MAF: variants seen among roughly 807,000 people sequenced by gnomAD.
MAF encodes the protein transcription factor Maf.
Under a neutral mutation model 22.0 loss-of-function variants are expected in MAF, and 10 were observed. The ratio of observed to expected loss-of-function variants is 0.45; its 90% CI spans 0.28 to 0.77. The LOEUF (loss-of-function observed/expected upper bound fraction) is 0.77. MAF is among the 30% of genes least tolerant of loss of function. The probability of loss-of-function intolerance (pLI) is 0.12; values close to 1 mark genes in which losing one functional copy is unlikely to be tolerated. For missense variants in MAF, 544 were observed against 548.4 expected (o/e 0.99, Z 0.08); for synonymous variants, 337 against 255.8 (o/e 1.32, Z -3.03).
the MAF span, among the ~76,000 whole-genome samples, chr16:79,462,182 C>T: frequency 9.8e-5 from 15 of 152,334 alleles, 1 homozygote; most frequent in East Asian, 1.5e-3. Context: ...AATGGCTAAC[C>T]GTTGCTGATT....
chr16:79,352,281 GA>G, the MAF span, among the ~76,000 whole-genome samples: 1 of 152,164 alleles, frequency 6.6e-6, no homozygotes, highest in Non-Finnish European at 1.5e-5. Flanking sequence ...GTCAATGCAA[GA>G]CTCCTTAGAA....
At chr16:79,317,526 TCTTC>T in the MAF span, among the ~76,000 whole-genome samples, 1 of 140,984 alleles carries the variant, frequency 7.1e-6, no homozygotes, top group Non-Finnish European at 1.5e-5. Flanking sequence ...TCCCTCCCTC[TCTTC>T]CTTCCTTCCT....
chr16:79,576,851 G>A, the MAF span, among the ~76,000 whole-genome samples: 1 of 152,100 alleles, frequency 6.6e-6, no homozygotes, highest in Non-Finnish European at 1.5e-5. Context: ...CCTTTGAGGG[G>A]CTATTCCTAT....
At chr16:79,387,108 T>C in the MAF span, among the ~76,000 whole-genome samples, 5 of 152,348 alleles carry the variant, frequency 3.3e-5, no homozygotes, top group Non-Finnish European at 5.9e-5. Context: ...TTATCTTCTA[T>C]TAAAGTAAGC....
the MAF span, among the ~76,000 whole-genome samples, chr16:79,230,291 G>A: frequency 3.9e-5 from 6 of 152,272 alleles, 1 homozygote; most frequent in Middle Eastern, 3.4e-3. Context: ...AAGGCAGGCT[G>A]CTTCTGTGGG....
At chr16:79,581,890 G>T (rs1912543725), downstream of MAF, among the ~76,000 whole-genome samples, 1 of 152,306 alleles carries the variant, frequency 6.6e-6, no homozygotes, top group African/African-American at 2.4e-5. Flanking sequence ...GACAATACCT[G>T]TAAATCTCTC....
intron 1 of MAF, chr16:79,597,058 T>C: frequency 2.8e-6 from 3 of 1,057,450 alleles, no homozygotes; most frequent in South Asian, 4.6e-5. Context: ...GTCAGTGGTA[T>C]AGCAAAGACT....
the MAF span, among the ~76,000 whole-genome samples, chr16:79,330,396 C>G: frequency 2.0e-5 from 3 of 152,208 alleles, no homozygotes; most frequent in Admixed American, 2.0e-4. Flanking sequence ...TGTTAGCAAT[C>G]CAAACATTTT....
At chr16:79,372,227 C>T in the MAF span, among the ~76,000 whole-genome samples, 9 of 152,164 alleles carry the variant, frequency 5.9e-5, no homozygotes, top group South Asian at 1.9e-3. Flanking sequence ...ATTAGTAGCA[C>T]ACTATTCCTT....
At chr16:79,573,313 T>A in the MAF span, among the ~76,000 whole-genome samples, 19 of 152,256 alleles carry the variant, frequency 1.2e-4, no homozygotes, top group Non-Finnish European at 2.1e-4. Flanking sequence ...TTACAGCATT[T>A]GGGTTTTACA....
At chr16:79,466,627 T>A in the MAF span, among the ~76,000 whole-genome samples, 1 of 152,248 alleles carries the variant, frequency 6.6e-6, no homozygotes, top group Non-Finnish European at 1.5e-5. Context: ...ATTTTTGGAA[T>A]GCATGTACTG....
At chr16:79,418,206 T>C in the MAF span, among the ~76,000 whole-genome samples, 2 of 152,140 alleles carry the variant, frequency 1.3e-5, no homozygotes, top group African/African-American at 4.8e-5. Flanking sequence ...TGAGAGACCA[T>C]CTTCTCGTGT....
At chr16:79,325,750 A>T in the MAF span, among the ~76,000 whole-genome samples, 2 of 152,198 alleles carry the variant, frequency 1.3e-5, no homozygotes, top group African/African-American at 4.8e-5. Context: ...AGGCAGGAAG[A>T]CCCAGTTCTT....
the MAF span, among the ~76,000 whole-genome samples, chr16:79,570,701 T>C: frequency 6.6e-6 from 1 of 152,198 alleles, no homozygotes. Context: ...TCTGCAAATA[T>C]TCCCACGATG....
the MAF span, among the ~76,000 whole-genome samples, chr16:79,249,462 C>G: frequency 6.6e-6 from 1 of 151,830 alleles, no homozygotes; most frequent in African/African-American, 2.4e-5. Flanking sequence ...GCCGCCATGC[C>G]CCTTCCACCA....
the MAF span, chr16:79,516,035 G>A: frequency 1.4e-5 from 2 of 144,188 alleles, no homozygotes; most frequent in Non-Finnish European, 3.0e-5. Context: ...GGCTCAAGTG[G>A]CTCCTATCCC....
the MAF span, chr16:79,204,511 C>G: frequency 6.6e-6 from 1 of 152,304 alleles, no homozygotes. Flanking sequence ...CAACTCGTCC[C>G]ATTTAAGGCT....
At chr16:79,413,210 GTTTT>G in the MAF span, among the ~76,000 whole-genome samples, 2 of 63,620 alleles carry the variant, frequency 3.1e-5, no homozygotes, top group African/African-American at 1.1e-4. Context: ...GAGCTGTGCA[GTTTT>G]TTTTTTTTTT....
At position 79,594,371 on chromosome 16, in the gene MAF, A is replaced by G; in HGVS notation, c.*89T>C. On this transcript the variant is annotated 3_prime_UTR_variant, in exon 2 of 2. Transcript: ENST00000326043. ...GTAATTTTTATTTAAAAAGGAGACT[A>G]AACAGAAGTCAGGGGTAGGTGGTTC... The G allele has an allele frequency of 8.6e-7, 1 of 1,160,546 alleles. No individual in the cohort carries two copies. Among genetic ancestry groups the G allele is most frequent in the Non-Finnish European group, 1.3e-6 (1 of 792,330 alleles). 71.9% of individuals were successfully genotyped at this position (1,160,546 alleles called of 1,614,324 possible).
Sources: allele counts gnomAD v4.1 joint callset (sites outside exome capture counted in the v4.1 genomes callset), GRCh38; gene constraint gnomAD v4.1.1; transcripts MANE v1.5; gene names NCBI Gene and HGNC (gene_info 2026-07-23, HGNC 2026-07-21).